WRN: variants seen among roughly 807,000 people sequenced by gnomAD.
WRN encodes bifunctional 3'-5' exonuclease/ATP-dependent helicase WRN.
WRN carries 149 observed loss-of-function variants against 180.7 expected under a neutral mutation model. That is an observed-to-expected ratio of 0.82 (90% CI 0.72 to 0.94). The LOEUF (loss-of-function observed/expected upper bound fraction) is 0.94, where lower values mean the gene tolerates loss of function less well. Ranked by LOEUF, WRN falls within the 40% of genes least tolerant of loss-of-function variation. The probability of loss-of-function intolerance (pLI) is 0.00; values close to 1 mark genes in which losing one functional copy is unlikely to be tolerated. For missense variants in WRN, 1,661 were observed against 1,700.1 expected (o/e 0.98, Z 0.40); for synonymous variants, 548 against 568.9 (o/e 0.96, Z 0.52).
At chr8:31,139,898 T>G (rs547309374) in intron 24 of WRN, among the ~76,000 whole-genome samples, 2 of 151,774 alleles carry the variant, frequency 1.3e-5, no homozygotes, top group South Asian at 4.2e-4. Flanking sequence ...GAATTCATAG[T>G]GGATGGAAGT....
chr8:31,137,422 A>G (rs2130395597), intron 24 of WRN, among the ~76,000 whole-genome samples: 1 of 152,268 alleles, frequency 6.6e-6, no homozygotes, highest in South Asian at 2.1e-4. Flanking sequence ...TTTGCAAGCA[A>G]TAGAATCTAC....
chr8:31,061,111 CTG>C (rs914959801), intron 3 of WRN, among the ~76,000 whole-genome samples: 1 of 152,164 alleles, frequency 6.6e-6, no homozygotes, highest in African/African-American at 2.4e-5. Context: ...TTGCTTGATA[CTG>C]TGTCACAGGC....
At position 31,167,027 on chromosome 8, in the gene WRN, A is replaced by G; in HGVS notation, c.3988A>G (p.Ser1330Gly). The G allele has an allele frequency of 6.2e-7, 1 of 1,612,476 alleles. No homozygotes were observed. The highest frequency in any genetic ancestry group is 8.5e-7 in the Non-Finnish European group (1 of 1,178,926). Reference protein sequence around the residue: ...IRNPPVNSDMSKISLIRMLVP... With the variant: ...IRNPPVNSDMGKISLIRMLVP... ...AGTTTTTTTATCGTTTACAGATATG[A>G]GTAAAATTAGCCTAATCAGAATGTT... The change falls in exon 34 of 35, where the codon AGT becomes GGT. Residue 1330 changes from serine (S) to glycine (G), a missense_variant. Physicochemically the swap from Ser to Gly is moderately conservative, Grantham distance 56. This residue lies in a region of WRN where 1,141 missense variants were observed against 1,149.4 expected (regional missense o/e 0.99). Transcript: ENST00000298139.
chr8:31,070,358 C>A (rs768792317), intron 7 of WRN, among the ~76,000 whole-genome samples: 1 of 151,196 alleles, frequency 6.6e-6, no homozygotes, highest in Non-Finnish European at 1.5e-5. Flanking sequence ...CTGTTTTTTT[C>A]TTCTTGTTAA....
chr8:31,061,941 G>A (rs1173346318), intron 3 of WRN, among the ~76,000 whole-genome samples: 1 of 152,138 alleles, frequency 6.6e-6, no homozygotes, highest in East Asian at 1.9e-4. Context: ...GATTTCTGGA[G>A]CTCTTTTCCT....
intron 10 of WRN, among the ~76,000 whole-genome samples, chr8:31,084,502 C>T (rs1289670819): frequency 2.0e-5 from 3 of 151,968 alleles, no homozygotes; most frequent in African/African-American, 4.8e-5. Context: ...GGCTGTGCTT[C>T]CTTTTCCTAC....
At chr8:31,061,213 C>T (rs1812472785) in intron 3 of WRN, among the ~76,000 whole-genome samples, 1 of 151,804 alleles carries the variant, frequency 6.6e-6, no homozygotes, top group Non-Finnish European at 1.5e-5. Flanking sequence ...GTTTTGTTTC[C>T]TGTCTTCAAG....
In WRN at chr8:31,173,533, ATTG is replaced by A. The variant is rs1467307178; in HGVS notation, c.*434_*436del. 2.8e-4 allele frequency: 53 copies of A among 186,550 alleles called. No individual in the cohort carries two copies. Among genetic ancestry groups the A allele is most frequent in the Non-Finnish European group, 2.3e-5 (2 of 88,424 alleles). The allele number at this position is 186,550 out of a possible 1,614,324, so 11.6% of individuals were successfully genotyped here. A position where few individuals can be genotyped will look rare whatever the true frequency, so the allele number is the denominator to read the frequency against. ...GTAAGAAAGCATAGTTATTTTACAA[ATTG>A]TTTTTACTGTCTTTTGAAGAAGTTC... On this transcript the variant is annotated 3_prime_UTR_variant, in exon 35 of 35. Coordinates refer to ENST00000298139, the MANE Select transcript of WRN (RefSeq NM_000553.6).
Position 31,173,096 on chromosome 8 carries a change from T to C in WRN, c.4293T>C (p.Phe1431=). ...LMDKTKRGGL[F]S ...ACAAAACGAAAAGGGGAGGTCTTTT[T>C]AGTTAAGCTGGCAATTACCAGAACA... Residue 1431 remains phenylalanine (F), a synonymous_variant, in exon 35 of 35, where the codon TTT becomes TTC. Transcript: ENST00000298139. 1 of 1,613,794 alleles carries C rather than the reference T, an allele frequency of 6.2e-7. No individual in the cohort carries two copies. Among genetic ancestry groups the C allele is most frequent in the Non-Finnish European group, 8.5e-7 (1 of 1,179,758 alleles).
At chr8:31,110,415 A>G (rs1271231938) in intron 18 of WRN, among the ~76,000 whole-genome samples, 1 of 152,182 alleles carries the variant, frequency 6.6e-6, no homozygotes, top group Non-Finnish European at 1.5e-5. Flanking sequence ...CAATTATCTC[A>G]TCACATTAGT....
At chr8:31,125,564 A>ATATATATATATATATG (rs1801898715) in intron 23 of WRN, among the ~76,000 whole-genome samples, 1 of 126,444 alleles carries the variant, frequency 7.9e-6, no homozygotes. Flanking sequence ...ATATATATAT[A>ATATATATATATATATG]TATATGGGGA....
intron 3 of WRN, among the ~76,000 whole-genome samples, chr8:31,062,031 C>T (rs962859233): frequency 3.9e-5 from 6 of 152,162 alleles, no homozygotes; most frequent in African/African-American, 1.4e-4. Context: ...TCTGTCTCCC[C>T]AACTCAGTGC....
intron 33 of WRN, among the ~76,000 whole-genome samples, chr8:31,158,720 G>T (rs1803487060): frequency 6.6e-6 from 1 of 152,006 alleles, no homozygotes; most frequent in Non-Finnish European, 1.5e-5. Context: ...TAGAAGACAG[G>T]ATTATTTCTA....
intron 8 of WRN, among the ~76,000 whole-genome samples, chr8:31,076,768 CTTAA>C (rs1216724338): frequency 6.6e-6 from 1 of 152,076 alleles, no homozygotes; most frequent in Non-Finnish European, 1.5e-5. Flanking sequence ...AAGAATTCTA[CTTAA>C]TTAATAGATT....
At chr8:31,087,993 T>G (rs1813604626) in intron 12 of WRN, 73 bp downstream of exon 12, 19 of 1,565,966 alleles carry the variant, frequency 1.2e-5, no homozygotes, top group Non-Finnish European at 1.6e-5. Context: ...GATCCAGTTT[T>G]GGATGGTTTG....
At chr8:31,083,241 A>G (rs1813390654) in intron 9 of WRN, among the ~76,000 whole-genome samples, 1 of 152,226 alleles carries the variant, frequency 6.6e-6, no homozygotes, top group African/African-American at 2.4e-5. Context: ...TTTGTAAAAT[A>G]CTGATTTATT....
chr8:31,156,614 AG>A (rs1803395487), intron 32 of WRN, among the ~76,000 whole-genome samples: 1 of 152,250 alleles, frequency 6.6e-6, no homozygotes, highest in South Asian at 2.1e-4. Flanking sequence ...ATGCAAATAC[AG>A]TCTAAATTCA....
intron 10 of WRN, among the ~76,000 whole-genome samples, chr8:31,084,500 T>C (rs1025323126): frequency 2.6e-5 from 4 of 152,240 alleles, no homozygotes; most frequent in African/African-American, 9.6e-5. Flanking sequence ...AAGGCTGTGC[T>C]TCCTTTTCCT....
Position 31,065,064 on chromosome 8 carries a change from G to C in WRN, c.504+1G>C, listed in dbSNP as rs1163988347. 1 of 1,611,916 alleles carries C rather than the reference G, an allele frequency of 6.2e-7. No homozygotes were observed. The highest frequency in any genetic ancestry group is 8.5e-7 in the Non-Finnish European group (1 of 1,178,682). ...GTTGACAGATGTTGCCAATAAAAAG[G>C]TAAAAGCAATATATATATAATTTTC... is the stretch of plus-strand genomic sequence containing the variant. On this transcript the variant is annotated splice_donor_variant, in intron 5 of 34. Transcript: ENST00000298139. LOFTEE classifies it high-confidence loss of function.
Sources: gnomAD v4.1 joint callset for allele counts (sites outside exome capture counted in the v4.1 genomes callset) on GRCh38, gnomAD v4.1.1 for gene constraint, gnomAD v4.1.1 regional missense constraint, MANE v1.5 for transcripts, NCBI Gene and HGNC (gene_info 2026-07-23, HGNC 2026-07-21) for gene names.